Variants in MAGI2 observed in about 807,000 individuals in gnomAD.
MAGI2 encodes membrane-associated guanylate kinase, WW and PDZ domain-containing protein 2.
In MAGI2, 35 loss-of-function variants were observed where a neutral mutation model predicts 133.3. The observed-to-expected ratio is 0.26, with a 90% CI of 0.20 to 0.35. The LOEUF (loss-of-function observed/expected upper bound fraction) is 0.35, where lower values mean the gene tolerates loss of function less well. Ranked by LOEUF, MAGI2 falls within the 10% of genes least tolerant of loss-of-function variation. MAGI2 has a pLI of 1.00. For missense variants in MAGI2, 1,636 were observed against 1,863.4 expected (o/e 0.88, Z 2.25); for synonymous variants, 729 against 710.6 (o/e 1.03, Z -0.41).
chr7:79,135,430 A>G (rs2129545640), intron 1 of MAGI2, among the ~76,000 whole-genome samples: 1 of 152,324 alleles, frequency 6.6e-6, no homozygotes, highest in South Asian at 2.1e-4. Flanking sequence ...CTGGATATAT[A>G]GAAACAACAC....
intron 9 of MAGI2, among the ~76,000 whole-genome samples, chr7:78,334,792 A>G (rs545214440): frequency 6.6e-6 from 1 of 152,218 alleles, no homozygotes; most frequent in Non-Finnish European, 1.5e-5. Context: ...TCTCTTTAAC[A>G]AGGACTTTAA....
At chr7:79,335,533 C>T (rs10258290) in intron 1 of MAGI2, among the ~76,000 whole-genome samples, 7,214 of 151,938 alleles carry the variant, frequency 0.047, 278 homozygotes, top group African/African-American at 0.11. Context: ...ATAACCACAA[C>T]ACTTAATATC....
At chr7:78,062,568 G>A (rs1223011085) in intron 21 of MAGI2, among the ~76,000 whole-genome samples, 3 of 152,134 alleles carry the variant, frequency 2.0e-5, no homozygotes, top group Non-Finnish European at 4.4e-5. Flanking sequence ...CTGTCTCTCA[G>A]ATTGCCCTCT....
intron 1 of MAGI2, among the ~76,000 whole-genome samples, chr7:79,188,726 A>G (rs1827387424): frequency 6.6e-6 from 1 of 151,926 alleles, no homozygotes; most frequent in African/African-American, 2.4e-5. Context: ...AAGGGTTTAT[A>G]TATTTTAAAA....
chr7:79,142,542 G>A (rs889320907), intron 1 of MAGI2, among the ~76,000 whole-genome samples: 1 of 152,156 alleles, frequency 6.6e-6, no homozygotes, highest in African/African-American at 2.4e-5. Flanking sequence ...CTGGAACATG[G>A]AGAATGTTTT....
Position 79,453,653 on chromosome 7 carries a change from C to G in MAGI2, c.-333G>C. ...GCAGCCGGAGCGAGCAGTAGCCGAG[C>G]TGGTGAGCGGGTGTGGTGGGGGTGG... On this transcript the variant is annotated 5_prime_UTR_variant, in exon 1 of 22. Transcript: ENST00000354212. 4.2e-6 allele frequency: 1 copy of G among 238,500 alleles called. No individual in the cohort carries two copies. Among genetic ancestry groups the G allele is most frequent in the Non-Finnish European group, 6.6e-6 (1 of 152,456 alleles). The allele number at this position is 238,500 out of a possible 1,614,324, so 14.8% of individuals were successfully genotyped here.
intron 2 of MAGI2, among the ~76,000 whole-genome samples, chr7:78,764,225 C>A (rs1287671589): frequency 1.3e-5 from 2 of 152,076 alleles, no homozygotes; most frequent in African/African-American, 4.8e-5. Flanking sequence ...ATACTGGGCA[C>A]TTTCAATAAA....
intron 2 of MAGI2, among the ~76,000 whole-genome samples, chr7:78,991,252 T>C (rs1411755335): frequency 6.6e-6 from 1 of 150,852 alleles, no homozygotes; most frequent in African/African-American, 2.4e-5. Flanking sequence ...TAAACCTTTC[T>C]TTTATAAATT....
chr7:78,712,987 T>C (rs1298078535), intron 2 of MAGI2, among the ~76,000 whole-genome samples: 6 of 152,152 alleles, frequency 3.9e-5, no homozygotes, highest in Non-Finnish European at 8.8e-5. Context: ...CAATCTAAGA[T>C]GGGAATTTAC....
chr7:78,436,526 T>C (rs547330544), intron 6 of MAGI2, among the ~76,000 whole-genome samples: 190 of 152,316 alleles, frequency 1.2e-3, no homozygotes, highest in African/African-American at 4.5e-3. Context: ...AACCAAACTT[T>C]CATGCTCATT....
At chr7:78,611,017 G>A (rs1230829630) in intron 3 of MAGI2, among the ~76,000 whole-genome samples, 5 of 152,126 alleles carry the variant, frequency 3.3e-5, no homozygotes, top group Admixed American at 1.3e-4. Context: ...ACATCTTTAC[G>A]CTTCAGGTTT....
chr7:79,258,644 G>A (rs1312160725), intron 1 of MAGI2, among the ~76,000 whole-genome samples: 1 of 152,162 alleles, frequency 6.6e-6, no homozygotes, highest in Non-Finnish European at 1.5e-5. Flanking sequence ...TTTAGAGATG[G>A]TGTTATGTTT....
intron 1 of MAGI2, among the ~76,000 whole-genome samples, chr7:79,204,168 GT>G (rs542117091): frequency 6.6e-6 from 1 of 152,168 alleles, no homozygotes; most frequent in African/African-American, 2.4e-5. Context: ...CCAGCACTAG[GT>G]ACCCATGGCC....
chr7:78,886,093 C>T (rs1796239611), intron 2 of MAGI2, among the ~76,000 whole-genome samples: 1 of 152,246 alleles, frequency 6.6e-6, no homozygotes. Context: ...TTTGCATCAA[C>T]AAATTGCCCA....
chr7:78,724,529 A>T (rs1820574070), intron 2 of MAGI2, among the ~76,000 whole-genome samples: 1 of 152,198 alleles, frequency 6.6e-6, no homozygotes. Flanking sequence ...CAACTGTCTC[A>T]CAATTTGCAT....
chr7:78,496,999 T>G (rs1222580476), intron 5 of MAGI2, among the ~76,000 whole-genome samples: 1 of 152,172 alleles, frequency 6.6e-6, no homozygotes, highest in African/African-American at 2.4e-5. Flanking sequence ...AAGTAAGGAT[T>G]AAGTGAATGG....
chr7:79,220,588 G>A (rs868782001), intron 1 of MAGI2, among the ~76,000 whole-genome samples: 64 of 151,970 alleles, frequency 4.2e-4, no homozygotes, highest in Admixed American at 1.3e-3. Context: ...AGTCAGAGAA[G>A]CGGCAAAGAT....
chr7:79,170,137 CTTTTTTT>C (rs10539344), intron 1 of MAGI2, among the ~76,000 whole-genome samples: 11 of 42,950 alleles, frequency 2.6e-4, no homozygotes, highest in African/African-American at 6.9e-4. Flanking sequence ...AGATATTATA[CTTTTTTT>C]TTTTTTTTTT....
At chr7:79,064,094 TGA>T (rs1384391581) in intron 1 of MAGI2, among the ~76,000 whole-genome samples, 2 of 152,054 alleles carry the variant, frequency 1.3e-5, no homozygotes, top group Admixed American at 6.6e-5. Flanking sequence ...TGCAAAAGCA[TGA>T]GTGTCACAGA....
Sources: allele counts gnomAD v4.1 joint callset (sites outside exome capture counted in the v4.1 genomes callset), GRCh38; gene constraint gnomAD v4.1.1; transcripts MANE v1.5; gene names NCBI Gene and HGNC (gene_info 2026-07-23, HGNC 2026-07-21).